KCNIP1: variants seen among roughly 807,000 people sequenced by gnomAD.
KCNIP1 encodes A-type potassium channel modulatory protein KCNIP1.
A neutral mutation model predicts 33.0 loss-of-function variants in KCNIP1; 18 were observed. That is an observed-to-expected ratio of 0.55 (90% CI 0.38 to 0.81). The LOEUF is 0.81. Ranked by LOEUF, KCNIP1 falls within the 30% of genes least tolerant of loss-of-function variation. KCNIP1 has a pLI of 0.00. For missense variants in KCNIP1, 238 were observed against 271.6 expected (o/e 0.88, Z 0.87); for synonymous variants, 93 against 98.3 (o/e 0.95, Z 0.32).
intron 1 of KCNIP1, among the ~76,000 whole-genome samples, chr5:170,465,228 C>T (rs573725059): frequency 1.3e-3 from 195 of 152,288 alleles, no homozygotes; most frequent in African/African-American, 4.3e-3. Flanking sequence ...CAAACCTTTG[C>T]TATAGATCCT....
At chr5:170,691,431 C>G (rs1199990727) in intron 1 of KCNIP1, among the ~76,000 whole-genome samples, 1 of 152,172 alleles carries the variant, frequency 6.6e-6, no homozygotes, top group Non-Finnish European at 1.5e-5. Flanking sequence ...AATTTAGACC[C>G]CAGTTCTGCC....
intron 1 of KCNIP1, among the ~76,000 whole-genome samples, chr5:170,649,769 A>C (rs1411824977): frequency 1.3e-5 from 2 of 152,192 alleles, no homozygotes; most frequent in East Asian, 3.9e-4. Context: ...GCAGGTACCC[A>C]GGCCTTTTTA....
intron 1 of KCNIP1, among the ~76,000 whole-genome samples, chr5:170,589,777 G>GC (rs1758150763): frequency 1.4e-5 from 2 of 143,978 alleles, no homozygotes; most frequent in African/African-American, 5.5e-5. Flanking sequence ...GGTGTGGTGT[G>GC]GTGTGATGTG....
intron 1 of KCNIP1, among the ~76,000 whole-genome samples, chr5:170,428,827 G>A (rs1581183624): frequency 6.6e-6 from 1 of 152,194 alleles, no homozygotes; most frequent in Admixed American, 6.5e-5. Flanking sequence ...AGCTGCGGGT[G>A]GTGCTAGGAA....
chr5:170,499,152 T>C (rs1000412146), upstream of KCNIP1, among the ~76,000 whole-genome samples: 2 of 152,208 alleles, frequency 1.3e-5, no homozygotes, highest in African/African-American at 2.4e-5. Flanking sequence ...TAGTGCTGAA[T>C]TGCACATAAT....
chr5:170,641,800 C>G (rs1156433618), intron 1 of KCNIP1, among the ~76,000 whole-genome samples: 1 of 152,198 alleles, frequency 6.6e-6, no homozygotes, highest in Non-Finnish European at 1.5e-5. Flanking sequence ...CTCCTGGCAG[C>G]TTCGAATGGC....
upstream of KCNIP1, among the ~76,000 whole-genome samples, chr5:170,502,091 C>T (rs1757424705): frequency 6.6e-6 from 1 of 152,252 alleles, no homozygotes. Context: ...GTTCTAATCC[C>T]ACATCCTGGC....
chr5:170,647,059 A>G (rs1210562523), intron 1 of KCNIP1, among the ~76,000 whole-genome samples: 1 of 152,208 alleles, frequency 6.6e-6, no homozygotes, highest in East Asian at 1.9e-4. Context: ...TAACATATGT[A>G]CAAGATCTAT....
intron 1 of KCNIP1, among the ~76,000 whole-genome samples, chr5:170,552,800 C>T (rs1412627319): frequency 2.0e-5 from 3 of 152,238 alleles, no homozygotes; most frequent in African/African-American, 4.8e-5. Flanking sequence ...CCAAGTTCAG[C>T]CGTGCTGCAG....
At chr5:170,439,072 A>T (rs1020405293) in intron 1 of KCNIP1, among the ~76,000 whole-genome samples, 1 of 152,176 alleles carries the variant, frequency 6.6e-6, no homozygotes, top group Non-Finnish European at 1.5e-5. Flanking sequence ...GAGGGCTACA[A>T]ATCAACTGAC....
At chr5:170,641,925 C>T (rs1760579725) in intron 1 of KCNIP1, 1 of 152,302 alleles carries the variant, frequency 6.6e-6, no homozygotes, top group Admixed American at 6.5e-5. Flanking sequence ...CGGCCATTTC[C>T]AAACTCACGG....
At chr5:170,402,318 A>C (rs1754925042) in intron 1 of KCNIP1, among the ~76,000 whole-genome samples, 1 of 152,238 alleles carries the variant, frequency 6.6e-6, no homozygotes, top group Admixed American at 6.5e-5. Context: ...CATCTTATTC[A>C]ATCTATATAA....
chr5:170,456,701 T>TTTTCTTTCTTTCTTTCTTTCTTTC (rs147202327), intron 1 of KCNIP1, among the ~76,000 whole-genome samples: 4,666 of 135,722 alleles, frequency 0.034, 225 homozygotes, highest in African/African-American at 0.062. Context: ...CTCTCTCTCT[T>TTTTCTTTCTTTCTTTCTTTCTTTC]TTTCTTTCTT....
intron 1 of KCNIP1, among the ~76,000 whole-genome samples, chr5:170,526,081 C>T (rs1755554677): frequency 6.6e-6 from 1 of 152,232 alleles, no homozygotes; most frequent in South Asian, 2.1e-4. Context: ...CCACTGTGTG[C>T]TCAGGGTCAT....
chr5:170,482,117 GT>G (rs1190490736), intron 1 of KCNIP1, among the ~76,000 whole-genome samples: 1 of 152,170 alleles, frequency 6.6e-6, no homozygotes, highest in Non-Finnish European at 1.5e-5. Flanking sequence ...ATTTCCTCTA[GT>G]GGTGGTGTTT....
At chr5:170,488,438 G>T (rs918440909) in intron 1 of KCNIP1, among the ~76,000 whole-genome samples, 1 of 152,084 alleles carries the variant, frequency 6.6e-6, no homozygotes, top group Non-Finnish European at 1.5e-5. Flanking sequence ...TTCCTTCAAG[G>T]GTTTTCCATC....
chr5:170,539,714 A>G (rs1756125742), intron 1 of KCNIP1, among the ~76,000 whole-genome samples: 1 of 152,126 alleles, frequency 6.6e-6, no homozygotes, highest in East Asian at 1.9e-4. Flanking sequence ...CCTGTTCACC[A>G]TTGTCTCTAG....
At chr5:170,694,700 C>CTTTTTTTTTTTTT (rs1762833700) in intron 1 of KCNIP1, among the ~76,000 whole-genome samples, 1 of 152,186 alleles carries the variant, frequency 6.6e-6, no homozygotes, top group African/African-American at 2.4e-5. Flanking sequence ...TTTTTAATTG[C>CTTTTTTTTTTTTT]TCTTTTCTTT....
At chr5:170,650,375 G>A (rs916174682) in intron 1 of KCNIP1, among the ~76,000 whole-genome samples, 5 of 140,156 alleles carry the variant, frequency 3.6e-5, no homozygotes, top group Non-Finnish European at 6.1e-5. Context: ...TCTGCTTCCC[G>A]TCAGTAGAGA....
Sources: gnomAD v4.1 joint callset for allele counts (sites outside exome capture counted in the v4.1 genomes callset) on GRCh38, gnomAD v4.1.1 for gene constraint, MANE v1.5 for transcripts, NCBI Gene and HGNC (gene_info 2026-07-23, HGNC 2026-07-21) for gene names.